NALCN: variants seen among roughly 807,000 people sequenced by gnomAD.
NALCN encodes sodium leak channel NALCN.
A neutral mutation model predicts 225.3 loss-of-function variants in NALCN; 111 were observed. The ratio of observed to expected loss-of-function variants is 0.49; its 90% CI spans 0.42 to 0.58. The LOEUF is 0.58. Ranked by LOEUF, NALCN falls within the 20% of genes least tolerant of loss-of-function variation. The pLI, the probability that NALCN is intolerant of heterozygous loss-of-function variation, is 0.00. For synonymous variants in NALCN, 764 were observed against 769.0 expected (o/e 0.99, Z 0.11); for missense variants, 1,378 against 2,202.4 (o/e 0.63, Z 7.49).
intron 7 of NALCN, among the ~76,000 whole-genome samples, chr13:101,302,012 T>C (rs1043938422): frequency 1.3e-5 from 2 of 152,192 alleles, no homozygotes; most frequent in South Asian, 4.1e-4. Context: ...TCTTTTAGTT[T>C]TGTCACCCAT....
intron 18 of NALCN, chr13:101,116,544 C>T (rs745510686): frequency 9.7e-6 from 5 of 516,182 alleles, no homozygotes; most frequent in Admixed American, 5.9e-5. Context: ...GTCTCCATGT[C>T]TTCTTTCTTA....
At chr13:101,403,329 C>T (rs1481383791) in intron 1 of NALCN, among the ~76,000 whole-genome samples, 2 of 152,326 alleles carry the variant, frequency 1.3e-5, no homozygotes, top group East Asian at 1.9e-4. Flanking sequence ...ACCTGCACTT[C>T]CTTTCACACT....
intron 6 of NALCN, among the ~76,000 whole-genome samples, chr13:101,352,591 G>A (rs1397821014): frequency 1.3e-5 from 2 of 152,154 alleles, no homozygotes; most frequent in African/African-American, 4.8e-5. Context: ...AAACTACACT[G>A]TTAGAGATTT....
intron 7 of NALCN, among the ~76,000 whole-genome samples, chr13:101,322,141 T>C (rs1030751657): frequency 1.3e-5 from 2 of 152,208 alleles, no homozygotes; most frequent in Non-Finnish European, 2.9e-5. Context: ...TAACTGGATA[T>C]CATTTCATGG....
At position 101,283,924 on chromosome 13, in the gene NALCN, G is replaced by A; in HGVS notation, c.1134+9C>T. 6.2e-7 allele frequency: 1 copy of A among 1,605,670 alleles called. No individual in the cohort carries two copies. On this transcript the variant is annotated intron_variant, in intron 10 of 43. Transcript: ENST00000251127. The stretch of plus-strand genomic sequence containing the variant: ...CTGGGCGATTTTTAAAAATGTCATT[G>A]TACTGCACCTGGAGGCAGGCTGGGG...
chr13:101,412,482 G>A (rs1289912003), intron 1 of NALCN, among the ~76,000 whole-genome samples: 3 of 152,086 alleles, frequency 2.0e-5, no homozygotes, highest in Non-Finnish European at 4.4e-5. Flanking sequence ...GGACCTGTGG[G>A]GTCAGTCCCT....
intron 10 of NALCN, among the ~76,000 whole-genome samples, chr13:101,263,215 A>G (rs2042489212): frequency 6.6e-6 from 1 of 152,154 alleles, no homozygotes; most frequent in Admixed American, 6.5e-5. Flanking sequence ...ACTTTATTTT[A>G]CAGGTAATAC....
intron 17 of NALCN, among the ~76,000 whole-genome samples, chr13:101,136,740 T>G (rs561125331): frequency 6.6e-6 from 1 of 152,350 alleles, no homozygotes; most frequent in East Asian, 1.9e-4. Context: ...GTCTTTGCTA[T>G]TGTGAACAGT....
intron 7 of NALCN, among the ~76,000 whole-genome samples, chr13:101,336,529 G>T (rs1425096241): frequency 6.6e-6 from 1 of 152,168 alleles, no homozygotes; most frequent in Non-Finnish European, 1.5e-5. Flanking sequence ...AATTCATGAA[G>T]ATTACAAGTC....
chr13:101,200,721 A>T (rs1227299356), intron 13 of NALCN, among the ~76,000 whole-genome samples: 1 of 152,124 alleles, frequency 6.6e-6, no homozygotes, highest in African/African-American at 2.4e-5. Context: ...TCAAGCCCCA[A>T]GAACCCATTT....
chr13:101,203,219 G>A (rs1235822836), intron 13 of NALCN, among the ~76,000 whole-genome samples: 1 of 151,332 alleles, frequency 6.6e-6, no homozygotes, highest in Non-Finnish European at 1.5e-5. Flanking sequence ...GAATTCCTAT[G>A]TTTTCTTTTT....
intron 7 of NALCN, among the ~76,000 whole-genome samples, chr13:101,302,716 C>G (rs1048000778): frequency 9.9e-5 from 15 of 152,072 alleles, no homozygotes; most frequent in African/African-American, 3.4e-4. Flanking sequence ...TGTTAACTAA[C>G]TGCTAAAAAT....
At chr13:101,415,241 C>T (rs1478757610) in intron 1 of NALCN, among the ~76,000 whole-genome samples, 1 of 57,568 alleles carries the variant, frequency 1.7e-5, no homozygotes, top group Admixed American at 1.7e-4. Context: ...ATATATATTT[C>T]AAAATCGCCA....
At chr13:101,273,509 A>AT (rs1491152796) in intron 10 of NALCN, among the ~76,000 whole-genome samples, 4 of 152,182 alleles carry the variant, frequency 2.6e-5, no homozygotes, top group African/African-American at 9.7e-5. Context: ...AAAAAGGCAC[A>AT]TGTGTCAAGC....
intron 30 of NALCN, among the ~76,000 whole-genome samples, chr13:101,084,305 C>A (rs769401019): frequency 6.6e-6 from 1 of 152,028 alleles, no homozygotes; most frequent in African/African-American, 2.4e-5. Context: ...GTGATAACTG[C>A]CTAAATGGAA....
chr13:101,320,589 T>C (rs2044710524), intron 7 of NALCN, among the ~76,000 whole-genome samples: 1 of 152,094 alleles, frequency 6.6e-6, no homozygotes, highest in Non-Finnish European at 1.5e-5. Context: ...AAAAAAAGAC[T>C]CTATTTTTAT....
chr13:101,402,701 A>T (rs1277860618), intron 1 of NALCN, among the ~76,000 whole-genome samples: 1 of 152,168 alleles, frequency 6.6e-6, no homozygotes, highest in African/African-American at 2.4e-5. Flanking sequence ...ATCTGTGTCC[A>T]GCTACTAATT....
rs367968378 is a variant in NALCN, at chr13:101,143,638, AT to A, written c.1977-418del. On this transcript the variant is annotated intron_variant, in intron 16 of 43. Transcript: ENST00000251127. ...CGCCACCACGCCCAGCTAATTTTGT[AT>A]TTTTACTAGAGATGGGATTTCTCCA... Among the ~76,000 whole-genome samples the A allele has an allele frequency of 8.6e-3, 1,303 of 151,944 alleles. 25 individuals carry two copies. Among genetic ancestry groups the A allele is most frequent in the African/African-American group, 0.03 (1,231 of 41,432 alleles).
chr13:101,222,121 C>T (rs376012757), intron 13 of NALCN, among the ~76,000 whole-genome samples: 2 of 152,104 alleles, frequency 1.3e-5, no homozygotes, highest in Non-Finnish European at 2.9e-5. Context: ...ATGGGAGACT[C>T]CTTCTCAACA....
Sources: gnomAD v4.1 joint callset for allele counts (sites outside exome capture counted in the v4.1 genomes callset) on GRCh38, gnomAD v4.1.1 for gene constraint, MANE v1.5 for transcripts, NCBI Gene and HGNC (gene_info 2026-07-23, HGNC 2026-07-21) for gene names.